CRK: variants seen among roughly 807,000 people sequenced by gnomAD.
The protein encoded by CRK is adapter molecule crk.
Under a neutral mutation model 29.8 loss-of-function variants are expected in CRK, and 4 were observed. The observed-to-expected ratio is 0.13, with a 90% CI of 0.07 to 0.31. CRK has a LOEUF of 0.31. Ranked by LOEUF, CRK falls within the 10% of genes least tolerant of loss-of-function variation. The probability of loss-of-function intolerance (pLI) is 1.00; values close to 1 mark genes in which losing one functional copy is unlikely to be tolerated. For missense variants in CRK, 274 were observed against 396.5 expected (o/e 0.69, Z 2.62); for synonymous variants, 153 against 164.9 (o/e 0.93, Z 0.55).
At chr17:1,434,193 T>A (rs1265740961) in intron 2 of CRK, among the ~76,000 whole-genome samples, 1 of 152,118 alleles carries the variant, frequency 6.6e-6, no homozygotes, top group Non-Finnish European at 1.5e-5. Context: ...ATCGACAGTC[T>A]TTCAAATTGA....
intron 1 of CRK, among the ~76,000 whole-genome samples, chr17:1,454,239 T>A (rs113870181): frequency 0.022 from 3,294 of 151,264 alleles, 131 homozygotes; most frequent in African/African-American, 0.075. Flanking sequence ...AGAAAAATTT[T>A]AAAAAAATTA....
chr17:1,431,606 G>C (rs904918474), intron 2 of CRK, among the ~76,000 whole-genome samples: 2 of 150,662 alleles, frequency 1.3e-5, no homozygotes, highest in Non-Finnish European at 3.0e-5. Context: ...AGTTTTTTTT[G>C]AGGCAGAGTC....
chr17:1,433,230 A>C (rs967714397), intron 2 of CRK, among the ~76,000 whole-genome samples: 2 of 152,180 alleles, frequency 1.3e-5, no homozygotes, highest in Non-Finnish European at 2.9e-5. Context: ...ACATCACAGA[A>C]CTGGTTTTCT....
chr17:1,441,088 A>G (rs911753544), intron 1 of CRK, among the ~76,000 whole-genome samples: 4 of 151,806 alleles, frequency 2.6e-5, no homozygotes, highest in Non-Finnish European at 5.9e-5. Flanking sequence ...GGCACGCATC[A>G]CCACGCCCAA....
chr17:1,425,602 A>G (rs1324289298), intron 2 of CRK, among the ~76,000 whole-genome samples: 1 of 152,232 alleles, frequency 6.6e-6, no homozygotes, highest in African/African-American at 2.4e-5. Context: ...CATTTCATAC[A>G]GTATCAGGAA....
intron 2 of CRK, among the ~76,000 whole-genome samples, 158 bp downstream of exon 2, chr17:1,436,459 TGAA>T (rs1030881045): frequency 2.0e-5 from 3 of 152,290 alleles, no homozygotes; most frequent in South Asian, 2.1e-4. Flanking sequence ...AGGTTTTCTA[TGAA>T]GAAGAGAAAA....
intron 1 of CRK, among the ~76,000 whole-genome samples, chr17:1,451,669 C>G (rs1409127024): frequency 2.6e-5 from 4 of 152,008 alleles, no homozygotes; most frequent in Non-Finnish European, 5.9e-5. Context: ...TGCACTATGA[C>G]TGTGCCTGTC....
Position 1,423,539 on chromosome 17 carries a change from G to A in CRK, c.889C>T (p.Gln297Ter). The change falls in exon 3 of 3, where the codon CAG becomes TAG. Residue 297 changes from glutamine to a stop codon, truncating the protein, a stop_gained. Transcript: ENST00000300574. LOFTEE classifies it high-confidence loss of function. ...CAGCTGAAGTCCTCATCGGGATTCT[G>A]TTGATCCAGCAGACGGACATGTGTG... ...PFTHVRLLDQ[Q>*]NPDEDFS 1.2e-6 allele frequency: 2 copies of A among 1,613,972 alleles called. No individual in the cohort carries two copies. The highest frequency in any genetic ancestry group is 1.7e-6 in the Non-Finnish European group (2 of 1,180,014).
chr17:1,429,673 C>T (rs1324313063), intron 2 of CRK, among the ~76,000 whole-genome samples: 2 of 151,800 alleles, frequency 1.3e-5, no homozygotes, highest in Non-Finnish European at 2.9e-5. Context: ...CACCTATAAT[C>T]CCAGTGCTTT....
chr17:1,429,271 C>T lies in CRK; in HGVS notation c.778-5621G>A, dbSNP rs192169391. Among the ~76,000 whole-genome samples, 25 of 151,916 alleles carry T rather than the reference C, an allele frequency of 1.6e-4. No homozygotes were observed. In the East Asian group the frequency reaches 4.9e-3, roughly 30 times the overall value. On this transcript the variant is annotated intron_variant, in intron 2 of 2. Coordinates refer to ENST00000300574, the MANE Select transcript of CRK (RefSeq NM_016823.4). ...ACTTGGGAGACTGAGGGGAGAGGAACCCTTGAGTCCAGGGTTTTTTTTTCT... is the reference window on the plus strand; with the variant it reads ...ACTTGGGAGACTGAGGGGAGAGGAATCCTTGAGTCCAGGGTTTTTTTTTCT...
chr17:1,438,859 AT>A (rs2073911179), intron 1 of CRK, among the ~76,000 whole-genome samples: 1 of 151,688 alleles, frequency 6.6e-6, no homozygotes, highest in African/African-American at 2.4e-5. Flanking sequence ...AAAAAAAAAA[AT>A]GAGTCAGGGT....
chr17:1,442,015 C>CCAG (rs374666459), intron 1 of CRK, among the ~76,000 whole-genome samples: 148,314 of 151,798 alleles, frequency 0.98, 72,435 homozygotes, highest in East Asian at 1. Flanking sequence ...ACTACCATGC[C>CCAG]TGTATTTTTT....
rs909812231 is a variant in CRK, at chr17:1,442,677, G to A, written c.242-5522C>T. 3.6e-5 allele frequency among the ~76,000 whole-genome samples: 5 copies of A among 137,284 alleles called. No homozygotes were observed. The South Asian group carries it at 9.7e-4, about 27-fold the overall frequency. 90.1% of individuals were successfully genotyped at this position (137,284 alleles called of 152,430 possible). On this transcript the variant is annotated intron_variant, in intron 1 of 2. Transcript: ENST00000300574. ...AGCTGGAGTGCAGTGGCTGGATGTC[G>A]GCTCACTGCAACCTCCACCCTCTGT...
At chr17:1,434,641 G>C (rs1008801539) in intron 2 of CRK, among the ~76,000 whole-genome samples, 3 of 152,046 alleles carry the variant, frequency 2.0e-5, no homozygotes, top group Admixed American at 2.0e-4. Context: ...AAATTAGCCA[G>C]GCACAATGGG....
At chr17:1,451,713 TG>T (rs765487833) in intron 1 of CRK, among the ~76,000 whole-genome samples, 1 of 148,238 alleles carries the variant, frequency 6.7e-6, no homozygotes, top group East Asian at 2.0e-4. Context: ...GGCAACATAG[TG>T]GGGGGAAAAA....
rs33970272 is a variant in CRK, at chr17:1,442,606, C to CTTTT, written c.242-5455_242-5452dup. 2.9e-3 allele frequency among the ~76,000 whole-genome samples: 352 copies of CTTTT among 121,110 alleles called. 13 individuals carry two copies. Among genetic ancestry groups the CTTTT allele is most frequent in the African/African-American group, 8.9e-3 (289 of 32,318 alleles). 79.5% of individuals were successfully genotyped at this position (121,110 alleles called of 152,430 possible). A position where few individuals can be genotyped will look rare whatever the true frequency, so the allele number is the denominator to read the frequency against. On this transcript the variant is annotated intron_variant, in intron 1 of 2. Coordinates refer to ENST00000300574, the MANE Select transcript of CRK (RefSeq NM_016823.4). ...GGATTTTTCTTGTGTGTGAAAGGGT[C>CTTTT]TTTTTTTTTTTTTTTTTTGAAGACA...
intron 1 of CRK, among the ~76,000 whole-genome samples, chr17:1,447,766 A>G (rs1358018071): frequency 6.6e-6 from 1 of 151,404 alleles, no homozygotes; most frequent in Non-Finnish European, 1.5e-5. Flanking sequence ...ACAGGCGCCC[A>G]CCACCACACC....
intron 1 of CRK, among the ~76,000 whole-genome samples, chr17:1,444,108 A>G (rs2073955820): frequency 6.6e-6 from 1 of 151,942 alleles, no homozygotes. Context: ...TGTTGGGATT[A>G]TAGGCATGAG....
chr17:1,423,433 GTAAGAAAAT>G lies in CRK; in HGVS notation c.*71_*79del, dbSNP rs1381252538. 8 of 1,521,974 alleles carry G rather than the reference GTAAGAAAAT, an allele frequency of 5.3e-6. No homozygotes were observed. Among genetic ancestry groups the G allele is most frequent in the Non-Finnish European group, 6.2e-6 (7 of 1,127,072 alleles). The allele number at this position is 1,521,974 out of a possible 1,614,324, so 94.3% of individuals were successfully genotyped here. On this transcript the variant is annotated 3_prime_UTR_variant, in exon 3 of 3. Coordinates refer to ENST00000300574, the MANE Select transcript of CRK (RefSeq NM_016823.4). ...ATAAACTAGACTGCTTTTGACATCT[GTAAGAAAAT>G]TGTATAGATGGCAGTTGGAAAAAAA...
Sources: allele counts gnomAD v4.1 joint callset (sites outside exome capture counted in the v4.1 genomes callset), GRCh38; gene constraint gnomAD v4.1.1; transcripts MANE v1.5; gene names NCBI Gene and HGNC (gene_info 2026-07-23, HGNC 2026-07-21).